Variants in MTIF2 observed in about 807,000 individuals in gnomAD.
MTIF2 encodes translation initiation factor IF-2, mitochondrial.
MTIF2 carries 71 observed loss-of-function variants against 83.5 expected under a neutral mutation model. That is an observed-to-expected ratio of 0.85 (90% confidence interval 0.70 to 1.04). The LOEUF (loss-of-function observed/expected upper bound fraction) is 1.04, where lower values mean the gene tolerates loss of function less well. MTIF2 is among the 50% of genes least tolerant of loss of function. MTIF2 has a pLI of 0.00. For synonymous variants in MTIF2, 319 were observed against 287.1 expected, an observed-to-expected ratio of 1.11 and a Z score of -1.12; for missense variants, 957 against 846.5, an observed-to-expected ratio of 1.13 and a Z score of -1.62.
At chr2:55,243,825 G>C (rs1210191873) in intron 11 of MTIF2, among the ~76,000 whole-genome samples, 157 bp from the exon 12 acceptor site, 2 of 152,124 alleles carry the variant, frequency 1.3e-5, no homozygotes. Context: ...TAATTTGAGA[G>C]CTTGTATAAT....
rs528415562 is a variant in MTIF2 at position 55,248,180 on chromosome 2, C to A, written c.981+1215G>T. Reference sequence around the variant, plus strand: ...CTAGGCTTACAGGCATAAGTCACTGCGCCTGGCCAAATACTTTAATCTTAT... The same window carrying A: ...CTAGGCTTACAGGCATAAGTCACTGAGCCTGGCCAAATACTTTAATCTTAT... On this transcript the variant is annotated intron_variant, in intron 9 of 15. Transcript: ENST00000263629. Among the ~76,000 whole-genome samples the A allele has an allele frequency of 9.8e-4, 149 of 152,306 alleles. 1 individual carries two copies. The highest frequency in any genetic ancestry group is 1.5e-3 in the Non-Finnish European group (102 of 68,026).
intron 10 of MTIF2, 144 bp from the exon 11 acceptor site, chr2:55,244,377 T>C (rs1432664339): frequency 1.5e-6 from 1 of 678,536 alleles, no homozygotes; most frequent in Middle Eastern, 4.1e-4. Flanking sequence ...TTTTTCATAC[T>C]ATAAAAACAT....
chr2:55,251,524 T>C (rs1677091534), intron 8 of MTIF2, among the ~76,000 whole-genome samples: 1 of 152,214 alleles, frequency 6.6e-6, no homozygotes, highest in African/African-American at 2.4e-5. Flanking sequence ...TTTAAAAATC[T>C]TGCCAGTAAA....
At chr2:55,260,197 C>T (rs1013477741) in intron 5 of MTIF2, among the ~76,000 whole-genome samples, 2 of 151,908 alleles carry the variant, frequency 1.3e-5, no homozygotes, top group African/African-American at 4.8e-5. Flanking sequence ...GTCGGGAGTT[C>T]GAGACCAGCC....
intron 9 of MTIF2, among the ~76,000 whole-genome samples, chr2:55,248,707 C>A (rs1019311218): frequency 6.6e-6 from 1 of 152,180 alleles, no homozygotes; most frequent in African/African-American, 2.4e-5. Context: ...ATAACAAAAT[C>A]AACCTTAATA....
At position 55,254,761 on chromosome 2, in the gene MTIF2, A is replaced by C; in HGVS notation, c.396T>G (p.His132Gln). 1 of 1,610,300 alleles carries C rather than the reference A, an allele frequency of 6.2e-7. No homozygotes were observed. The highest frequency in any genetic ancestry group is 8.5e-7 in the Non-Finnish European group (1 of 1,178,192). The part of the protein sequence containing the change: ...IDIDSLEADS[H>Q]LDEVWIKEVI... The stretch of plus-strand genomic sequence containing the variant: ...CTTCTTTGATCCAGACTTCATCTAA[A>C]TGTGAGTCTGCTTCCAGTGAATCTA... Residue 132 changes from histidine to glutamine, a missense_variant, in exon 6 of 16, where the codon CAT (histidine) becomes CAG (glutamine). Around this residue, in one of 3 missense-constraint regions of MTIF2, gnomAD observed 733 missense variants for 648.7 expected, o/e 1.13. Transcript: ENST00000263629.
chr2:55,253,651 C>T (rs532808117), intron 7 of MTIF2, among the ~76,000 whole-genome samples: 59 of 151,522 alleles, frequency 3.9e-4, no homozygotes, highest in Admixed American at 7.2e-4. Flanking sequence ...CCTGTCTCAA[C>T]TAAAAATACA....
In MTIF2 at chr2:55,254,811, C is replaced by T; in HGVS notation, c.346G>A (p.Ala116Thr). 6.3e-7 allele frequency: 1 copy of T among 1,585,964 alleles called. No homozygotes were observed. Among genetic ancestry groups the T allele is most frequent in the Middle Eastern group, 1.7e-4 (1 of 5,972 alleles). ...ATGTCAATATCAGTGTTCAATAAAG[C>T]TTCATATACATAATCTGATTGGAAT... ...MEKNTDYVYE[A>T]LLNTDIDIDS... Residue 116 changes from alanine (A) to threonine (T), a missense_variant, in exon 6 of 16, where the codon GCT (alanine) becomes ACT (threonine). By Grantham distance (58) the Ala-to-Thr change is moderately conservative. Transcript: ENST00000263629.
intron 10 of MTIF2, among the ~76,000 whole-genome samples, chr2:55,245,364 A>G (rs1366667585): frequency 3.3e-5 from 5 of 152,184 alleles, no homozygotes; most frequent in African/African-American, 1.2e-4. Context: ...CTCTAAAAAA[A>G]TACAAAAATT....
intron 8 of MTIF2, among the ~76,000 whole-genome samples, chr2:55,251,239 G>A (rs1408940520): frequency 1.3e-5 from 2 of 151,908 alleles, no homozygotes; most frequent in Non-Finnish European, 2.9e-5. Flanking sequence ...TCAACCAATT[G>A]CTTTGTAATG....
chr2:55,238,387 T>TA (rs1483702289), intron 14 of MTIF2, among the ~76,000 whole-genome samples: 4 of 113,320 alleles, frequency 3.5e-5, no homozygotes, highest in Non-Finnish European at 7.3e-5. Flanking sequence ...ATTCTGAGCC[T>TA]GGTTTTTTTT....
At chr2:55,240,322 T>C in intron 13 of MTIF2, 147 bp from the exon 14 acceptor site, 2 of 716,372 alleles carry the variant, frequency 2.8e-6, no homozygotes, top group Non-Finnish European at 4.4e-6. Context: ...GGCTCACGCC[T>C]GTAATCCCAT....
chr2:55,246,845 CTTTCT>C (rs1259996146), intron 9 of MTIF2, among the ~76,000 whole-genome samples: 2 of 152,162 alleles, frequency 1.3e-5, no homozygotes, highest in Non-Finnish European at 2.9e-5. Flanking sequence ...CTTCCTCTTG[CTTTCT>C]TTTTTTGTTT....
chr2:55,262,527 C>CT, intron 4 of MTIF2, 100 bp from the exon 5 acceptor site: 1 of 522,284 alleles, frequency 1.9e-6, no homozygotes, highest in Non-Finnish European at 3.2e-6. Flanking sequence ...AGCTACATTT[C>CT]TTTCTTTTTT....
intron 2 of MTIF2, among the ~76,000 whole-genome samples, chr2:55,268,178 A>ATG (rs2104498647): frequency 6.6e-6 from 1 of 152,128 alleles, no homozygotes; most frequent in South Asian, 2.1e-4. Flanking sequence ...GCTTGAACCC[A>ATG]GGAGGCAGAG....
At chr2:55,269,075 G>A (rs1368367908) in intron 1 of MTIF2, 94 bp downstream of exon 1, 1 of 152,252 alleles carries the variant, frequency 6.6e-6, no homozygotes, top group Non-Finnish European at 1.5e-5. Context: ...TATGAAGTTC[G>A]CGTGATTTGT....
At chr2:55,246,639 A>C (rs1255371169) in intron 9 of MTIF2, among the ~76,000 whole-genome samples, 178 bp from the exon 10 acceptor site, 1 of 152,102 alleles carries the variant, frequency 6.6e-6, no homozygotes, top group Non-Finnish European at 1.5e-5. Context: ...AAAAATAAGA[A>C]AAAAGACAAT....
Position 55,254,667 on chromosome 2 carries a change from C to T in MTIF2, c.490G>A (p.Asp164Asn). 1 of 1,601,328 alleles carries T rather than the reference C, an allele frequency of 6.2e-7. No homozygotes were observed. The change falls in exon 6 of 16, where the codon GAT (aspartate) becomes AAT (asparagine). Residue 164 changes from aspartate (D) to asparagine (N), a missense_variant. By Grantham distance (23) the Asp-to-Asn change is conservative. Coordinates refer to ENST00000263629, the MANE Select transcript of MTIF2 (RefSeq NM_002453.3). ...GTTAAGTTTTACCTTCTTACAGCAT[C>T]TTTATTTTTTCTGACTTTGTCCTGT... is the stretch of plus-strand genomic sequence containing the variant. ...LKQDKVRKNKDAVRRPQADPA... is the reference protein window; with the variant it reads ...LKQDKVRKNKNAVRRPQADPA...
At chr2:55,257,491 A>G (rs1262326738) in intron 5 of MTIF2, among the ~76,000 whole-genome samples, 1 of 152,178 alleles carries the variant, frequency 6.6e-6, no homozygotes, top group Non-Finnish European at 1.5e-5. Context: ...GAAAAAAATA[A>G]AAGGAAGAAA....
Sources: allele counts gnomAD v4.1 joint callset (sites outside exome capture counted in the v4.1 genomes callset), GRCh38; gene constraint gnomAD v4.1.1; regional missense constraint gnomAD v4.1.1; transcripts MANE v1.5; gene names NCBI Gene and HGNC (gene_info 2026-07-23, HGNC 2026-07-21).